The following NDUFS7 variants were observed in gnomAD, a reference collection of about 807,000 sequenced individuals.
The protein encoded by NDUFS7 is NADH dehydrogenase [ubiquinone] iron-sulfur protein 7, mitochondrial.
In NDUFS7, 11 loss-of-function variants were observed where a neutral mutation model predicts 31.1. The ratio of observed to expected loss-of-function variants is 0.35; its 90% CI spans 0.22 to 0.59. The LOEUF (loss-of-function observed/expected upper bound fraction) is 0.59. Among genes scored for constraint, NDUFS7 ranks in the 20% least tolerant of loss-of-function variants. The probability of loss-of-function intolerance (pLI) is 0.79; values close to 1 mark genes in which losing one functional copy is unlikely to be tolerated. For missense variants in NDUFS7, 263 were observed against 324.2 expected (o/e 0.81, Z 1.45); for synonymous variants, 136 against 127.9 (o/e 1.06, Z -0.43).
chr19:1,387,759 C>G (rs2082517260), intron 1 of NDUFS7, 52 bp from the exon 2 acceptor site: 1 of 1,584,918 alleles, frequency 6.3e-7, no homozygotes, highest in Admixed American at 1.7e-5. Flanking sequence ...TGGAGGCCGG[C>G]CCTGCGTGCT....
rs1391143696 is a variant in NDUFS7, at chr19:1,389,189, G to A, written c.228+251G>A. ...CACTTGCACACACATGCACACACAA[G>A]CACATGTGCACACACGCTTGCACAC... On this transcript the variant is annotated intron_variant, in intron 4 of 7. Coordinates refer to ENST00000233627, the MANE Select transcript of NDUFS7 (RefSeq NM_024407.5). 1.7e-5 allele frequency: 12 copies of A among 689,148 alleles called. No individual in the cohort carries two copies. The East Asian group carries it at 2.5e-4, about 14-fold the overall frequency. The allele number at this position is 689,148 out of a possible 1,614,324, so 42.7% of individuals were successfully genotyped here. A position where few individuals can be genotyped will look rare whatever the true frequency, so the allele number is the denominator to read the frequency against.
intron 7 of NDUFS7, chr19:1,394,276 G>GC: frequency 9.4e-7 from 1 of 1,065,530 alleles, no homozygotes. Context: ...GGAGAGGGCA[G>GC]CCTGGGCCTC....
At chr19:1,394,782 C>T (rs2082584558) in intron 7 of NDUFS7, 2 of 1,183,630 alleles carry the variant, frequency 1.7e-6, no homozygotes, top group Admixed American at 3.7e-5. Context: ...CCAGGCCCTG[C>T]AGTGGCCTTG....
chr19:1,395,124 G>A (rs1024849921), intron 7 of NDUFS7: 56 of 1,372,996 alleles, frequency 4.1e-5, no homozygotes, highest in Non-Finnish European at 4.7e-5. Context: ...TGAGGTCAGC[G>A]TCTTGTCCGA....
At position 1,393,074 on chromosome 19, in the gene NDUFS7, G is replaced by T. The variant is rs1178863905; in HGVS notation, c.456-168G>T. On this transcript the variant is annotated intron_variant, in intron 6 of 7. Coordinates refer to ENST00000233627, the MANE Select transcript of NDUFS7 (RefSeq NM_024407.5). This position sits in a 1 kb window ranked among gnomAD's most constrained non-coding sequence, Gnocchi z 7.3. ...GCTTGCGCCCCACTGGTCCCACAGA[G>T]GCTCTGGGAGCCTGTGCGTGTTTGC... 5 of 640,810 alleles carry T rather than the reference G, an allele frequency of 7.8e-6. No individual in the cohort carries two copies. The South Asian group carries it at 8.8e-5, about 11-fold the overall frequency. The allele number at this position is 640,810 out of a possible 1,614,324, so 39.7% of individuals were successfully genotyped here.
At chr19:1,387,129 G>T in intron 1 of NDUFS7, 3 of 149,038 alleles carry the variant, frequency 2.0e-5, no homozygotes, top group Non-Finnish European at 4.5e-5. Flanking sequence ...ATTGACGTGG[G>T]CAGCGCCCTC....
Position 1,393,763 on chromosome 19 carries a change from A to C in NDUFS7, c.544+433A>C. The C allele has an allele frequency of 2.1e-6, 1 of 478,540 alleles. No homozygotes were observed. Among genetic ancestry groups the C allele is most frequent in the Non-Finnish European group, 3.8e-6 (1 of 263,054 alleles). The allele number at this position is 478,540 out of a possible 1,614,324, so 29.6% of individuals were successfully genotyped here. ...TGGCAAATGAAAACGTGGGAGGCTT[A>C]GTTTGACTGTGAGGTTAGGGTGAAT... is the stretch of plus-strand genomic sequence containing the variant. On this transcript the variant is annotated intron_variant, in intron 7 of 7. Coordinates refer to ENST00000233627, the MANE Select transcript of NDUFS7 (RefSeq NM_024407.5). This position sits in a 1 kb window ranked among gnomAD's most constrained non-coding sequence, Gnocchi z 7.3.
Position 1,388,768 on chromosome 19 carries a change from C to T in NDUFS7, c.123-65C>T, listed in dbSNP as rs751556495. 2.6e-5 allele frequency: 40 copies of T among 1,513,524 alleles called. No individual in the cohort carries two copies. In the East Asian group the frequency reaches 4.6e-4, roughly 18 times the overall value. 93.8% of individuals were successfully genotyped at this position (1,513,524 alleles called of 1,614,324 possible). ...GCCTCTGGCAGCGGCCGTGGGGGCT[C>T]GCATCCGCCTCTGGGAAGCACCTGC... On this transcript the variant is annotated intron_variant, in intron 3 of 7. Transcript: ENST00000233627.
intron 3 of NDUFS7, 65 bp from the exon 4 acceptor site, chr19:1,388,768 C>G: frequency 6.6e-7 from 1 of 1,513,524 alleles, no homozygotes; most frequent in African/African-American, 1.4e-5. Context: ...CGTGGGGGCT[C>G]GCATCCGCCT....
At chr19:1,390,510 T>TA in intron 4 of NDUFS7, 1 of 393,506 alleles carries the variant, frequency 2.5e-6, no homozygotes, top group Non-Finnish European at 4.7e-6. Flanking sequence ...CAGATCTAGT[T>TA]AACGCAGAGA....
chr19:1,390,077 T>G (rs1372578647), intron 4 of NDUFS7: 1 of 155,760 alleles, frequency 6.4e-6, no homozygotes, highest in African/African-American at 2.4e-5. Context: ...TGTATTTTTA[T>G]TTTTAGTAGA....
At position 1,387,352 on chromosome 19, in the gene NDUFS7, C is replaced by G. The variant is rs537531281; in HGVS notation, c.17-459C>G. 2.6e-5 allele frequency among the ~76,000 whole-genome samples: 4 copies of G among 152,354 alleles called. No homozygotes were observed. In the South Asian group the frequency reaches 6.2e-4, roughly 24 times the overall value. On this transcript the variant is annotated intron_variant, in intron 1 of 7. Transcript: ENST00000233627. The stretch of plus-strand genomic sequence containing the variant: ...CATAGATGGAGATAGAACCGGGTGC[C>G]GGCAACCGGAGGACCTGGGGTCCTG...
intron 7 of NDUFS7, 75 bp from the exon 8 acceptor site, chr19:1,395,316 C>G (rs905057548): frequency 4.6e-6 from 7 of 1,529,130 alleles, no homozygotes; most frequent in African/African-American, 1.4e-5. Flanking sequence ...CTTCCAAAGC[C>G]GAGCCGGCTG....
chr19:1,390,195 C>T (rs2240604), intron 4 of NDUFS7: 7,048 of 156,978 alleles, frequency 0.045, 446 homozygotes, highest in East Asian at 0.25. Flanking sequence ...CCACCACGCC[C>T]GGCTAATGCA....
intron 2 of NDUFS7, 184 bp from the exon 3 acceptor site, chr19:1,388,341 A>G (rs2082523475): frequency 1.5e-6 from 1 of 645,428 alleles, no homozygotes. Context: ...AGTCTGGGCC[A>G]TCATTGGGGG....
Position 1,393,427 on chromosome 19 carries a change from C to A in NDUFS7, c.544+97C>A. The A allele has an allele frequency of 9.8e-7, 1 of 1,023,354 alleles. No individual in the cohort carries two copies. 63.4% of individuals were successfully genotyped at this position (1,023,354 alleles called of 1,614,324 possible). A position where few individuals can be genotyped will look rare whatever the true frequency, so the allele number is the denominator to read the frequency against. ...CTGTGAGGGAGTCCCACACCCCCAG[C>A]AGACGGCGGGCTCCCCCATCCTATG... On this transcript the variant is annotated intron_variant, in intron 7 of 7. Coordinates refer to ENST00000233627, the MANE Select transcript of NDUFS7 (RefSeq NM_024407.5). The surrounding 1 kb of genome is among the most constrained non-coding windows in gnomAD (Gnocchi z 7.3).
intron 6 of NDUFS7, among the ~76,000 whole-genome samples, chr19:1,391,375 C>T (rs186218908): frequency 2.0e-5 from 3 of 152,282 alleles, no homozygotes; most frequent in African/African-American, 7.2e-5. Context: ...CACCCCCACG[C>T]AGCAGACCCC....
chr19:1,387,729 G>C, intron 1 of NDUFS7, 82 bp from the exon 2 acceptor site: 1 of 1,311,900 alleles, frequency 7.6e-7, no homozygotes, highest in African/African-American at 1.4e-5. Flanking sequence ...GTGCGGGCAG[G>C]AGCCTGATGG....
chr19:1,389,706 AGC>A, intron 4 of NDUFS7: 1 of 355,220 alleles, frequency 2.8e-6, no homozygotes, highest in South Asian at 2.1e-5. Flanking sequence ...CTGCAGCGTG[AGC>A]ACGTGCAGCT....
Sources: gnomAD v4.1 joint callset for allele counts (sites outside exome capture counted in the v4.1 genomes callset) on GRCh38, gnomAD v4.1.1 for gene constraint, Gnocchi (gnomAD v3.1) non-coding constraint, MANE v1.5 for transcripts, NCBI Gene and HGNC (gene_info 2026-07-23, HGNC 2026-07-21) for gene names.